The following TMEM232 variants were observed in gnomAD, a reference collection of about 807,000 sequenced individuals.
The protein encoded by TMEM232 is transmembrane protein 232.
TMEM232 carries 80 observed loss-of-function variants against 78.8 expected under a neutral mutation model. The ratio of observed to expected loss-of-function variants is 1.01; its 90% CI spans 0.85 to 1.22. The LOEUF is 1.22. Among genes scored for constraint, TMEM232 ranks in the 50% most tolerant of loss-of-function variants. TMEM232 has a pLI of 0.00. For missense variants in TMEM232, 881 were observed against 742.2 expected, an observed-to-expected ratio of 1.19 and a Z score of -2.17; for synonymous variants, 297 against 254.3, an observed-to-expected ratio of 1.17 and a Z score of -1.60.
chr5:110,435,576 T>C (rs1201935417), intron 12 of TMEM232, among the ~76,000 whole-genome samples: 1 of 151,840 alleles, frequency 6.6e-6, no homozygotes, highest in East Asian at 1.9e-4. Flanking sequence ...TTTGTACCCA[T>C]TAATCATCCC....
At chr5:110,572,786 A>C (rs1233411994) in intron 10 of TMEM232, among the ~76,000 whole-genome samples, 1 of 152,084 alleles carries the variant, frequency 6.6e-6, no homozygotes, top group Non-Finnish European at 1.5e-5. Context: ...GAATCATTAC[A>C]CCCAACTGAC....
rs1786349203 is a variant in TMEM232, at chr5:110,639,360, T to C, written c.344-1005A>G. Among the ~76,000 whole-genome samples the C allele has an allele frequency of 2.6e-5, 4 of 152,284 alleles. No individual in the cohort carries two copies. In the South Asian group the frequency reaches 8.3e-4, roughly 32 times the overall value. ...AATTAAATATGTGAATGCATTAAAA[T>C]CCTTCTGCTGTATGTAACAGAAAAT... On this transcript the variant is annotated intron_variant, in intron 4 of 13. Transcript: ENST00000455884.
At chr5:110,713,114 TAGTC>T (rs1214321306) in intron 1 of TMEM232, among the ~76,000 whole-genome samples, 1 of 151,618 alleles carries the variant, frequency 6.6e-6, no homozygotes, top group Non-Finnish European at 1.5e-5. Context: ...ACAATATGGA[TAGTC>T]ATTATGTTAA....
At chr5:110,516,795 A>C (rs1181036914) in intron 12 of TMEM232, among the ~76,000 whole-genome samples, 1 of 152,212 alleles carries the variant, frequency 6.6e-6, no homozygotes, top group African/African-American at 2.4e-5. Context: ...TTAAAGACAA[A>C]ATTATTTTTA....
intron 12 of TMEM232, among the ~76,000 whole-genome samples, chr5:110,466,812 TC>T (rs1423638602): frequency 1.3e-5 from 2 of 152,034 alleles, no homozygotes; most frequent in Non-Finnish European, 2.9e-5. Context: ...AGACGGGGTT[TC>T]GCTGTATTAG....
intron 10 of TMEM232, among the ~76,000 whole-genome samples, chr5:110,582,840 C>T (rs989919153): frequency 1.4e-4 from 22 of 151,770 alleles, no homozygotes; most frequent in African/African-American, 5.1e-4. Flanking sequence ...AAAATCAACA[C>T]ACAAAAATTG....
intron 12 of TMEM232, among the ~76,000 whole-genome samples, chr5:110,495,344 C>A (rs1479359171): frequency 1.3e-5 from 2 of 151,784 alleles, no homozygotes; most frequent in Non-Finnish European, 2.9e-5. Flanking sequence ...TCCAGGGTGT[C>A]TGATTTAATT....
intron 10 of TMEM232, among the ~76,000 whole-genome samples, chr5:110,569,656 G>A (rs1401291095): frequency 6.6e-6 from 1 of 151,806 alleles, no homozygotes; most frequent in Non-Finnish European, 1.5e-5. Flanking sequence ...AACATGAAAA[G>A]TCACAATCCT....
chr5:110,564,403 T>C (rs1006002721), intron 11 of TMEM232, among the ~76,000 whole-genome samples: 2 of 151,970 alleles, frequency 1.3e-5, no homozygotes, highest in Non-Finnish European at 2.9e-5. Context: ...ATGGCTTTCT[T>C]TGAATATGGA....
intron 7 of TMEM232, among the ~76,000 whole-genome samples, chr5:110,621,662 G>A (rs994034432): frequency 2.6e-5 from 4 of 152,148 alleles, no homozygotes; most frequent in Middle Eastern, 3.4e-3. Context: ...ATGACACCCA[G>A]AGAACTTTTT....
At chr5:110,387,555 A>T (rs1755036989) in intron 5 of TMEM232, among the ~76,000 whole-genome samples, 1 of 152,160 alleles carries the variant, frequency 6.6e-6, no homozygotes, top group Non-Finnish European at 1.5e-5. Context: ...AAAAATGTTT[A>T]CAGATCCACC....
chr5:110,575,567 G>T (rs1777481398), intron 10 of TMEM232, among the ~76,000 whole-genome samples: 1 of 152,006 alleles, frequency 6.6e-6, no homozygotes, highest in African/African-American at 2.4e-5. Flanking sequence ...CTTGTGGAGA[G>T]AAATGGAAGG....
chr5:110,438,910 C>T (rs1758722186), intron 12 of TMEM232, among the ~76,000 whole-genome samples: 2 of 152,134 alleles, frequency 1.3e-5, no homozygotes, highest in South Asian at 4.1e-4. Context: ...ATAACTTTCA[C>T]ACTCAGAACT....
Position 110,499,768 on chromosome 5 carries a change from G to A in TMEM232, c.1703+28820C>T, listed in dbSNP as rs1017718035. Among the ~76,000 whole-genome samples the A allele has an allele frequency of 7.9e-5, 12 of 151,894 alleles. 1 individual carries two copies. Among genetic ancestry groups the A allele is most frequent in the Admixed American group, 6.6e-4 (10 of 15,230 alleles). ...AAAGATGTATTTCAAGTGTTTGACA[G>A]AACAAAAAGGTGATAGTCAAATCTA... On this transcript the variant is annotated intron_variant, in intron 12 of 13. Coordinates refer to ENST00000455884, the MANE Select transcript of TMEM232 (RefSeq NM_001039763.4).
chr5:110,568,410 T>C lies in TMEM232; in HGVS notation c.1455+37A>G, dbSNP rs1312785461. 2.7e-6 allele frequency: 4 copies of C among 1,485,578 alleles called. No individual in the cohort carries two copies. In the East Asian group the frequency reaches 7.6e-5, roughly 28 times the overall value. The allele number at this position is 1,485,578 out of a possible 1,614,324, so 92.0% of individuals were successfully genotyped here. A position where few individuals can be genotyped will look rare whatever the true frequency, so the allele number is the denominator to read the frequency against. ...AAATGACAACCGTGCTTCCTAATGATAGATGTACATATTTATTGCCCAGTG... is the reference window on the plus strand; with the variant it reads ...AAATGACAACCGTGCTTCCTAATGACAGATGTACATATTTATTGCCCAGTG... On this transcript the variant is annotated intron_variant, in intron 11 of 13. Coordinates refer to ENST00000455884, the MANE Select transcript of TMEM232 (RefSeq NM_001039763.4).
chr5:110,693,816 A>C (rs1302735478), intron 1 of TMEM232, among the ~76,000 whole-genome samples: 1 of 152,228 alleles, frequency 6.6e-6, no homozygotes, highest in Non-Finnish European at 1.5e-5. Flanking sequence ...AAAAGACCAA[A>C]TCTACGTCTG....
intron 10 of TMEM232, among the ~76,000 whole-genome samples, chr5:110,585,132 AC>A (rs1778658906): frequency 6.6e-6 from 1 of 152,106 alleles, no homozygotes; most frequent in African/African-American, 2.4e-5. Context: ...GTAGGTGAAG[AC>A]CTTTACATGG....
intron 1 of TMEM232, among the ~76,000 whole-genome samples, chr5:110,696,233 G>C (rs1045806362): frequency 6.6e-6 from 1 of 152,088 alleles, no homozygotes; most frequent in Non-Finnish European, 1.5e-5. Flanking sequence ...TGCAGAAAAG[G>C]CCTTTGACAA....
chr5:110,589,989 T>C (rs541645732), intron 10 of TMEM232, among the ~76,000 whole-genome samples: 8 of 152,292 alleles, frequency 5.3e-5, no homozygotes, highest in Non-Finnish European at 1.2e-4. Flanking sequence ...CACTTGAACA[T>C]ATTCAAACTT....
Sources: gnomAD v4.1 joint callset for allele counts (sites outside exome capture counted in the v4.1 genomes callset) on GRCh38, gnomAD v4.1.1 for gene constraint, MANE v1.5 for transcripts, NCBI Gene and HGNC (gene_info 2026-07-23, HGNC 2026-07-21) for gene names.